The following GLIS3 variants were observed in gnomAD, a reference collection of about 807,000 sequenced individuals.
The protein encoded by GLIS3 is GLIS family zinc finger 3, also known as zinc finger protein GLIS3.
In GLIS3, 53 loss-of-function variants were observed where a neutral mutation model predicts 78.6. The ratio of observed to expected loss-of-function variants is 0.67; its 90% CI spans 0.54 to 0.85. GLIS3 has a LOEUF of 0.85. Ranked by LOEUF, GLIS3 falls within the 40% of genes least tolerant of loss-of-function variation. The pLI is 0.00. For missense variants in GLIS3, 1,703 were observed against 1,231.1 expected, an observed-to-expected ratio of 1.38 and a Z score of -5.74; for synonymous variants, 684 against 509.9, an observed-to-expected ratio of 1.34 and a Z score of -4.60.
chr9:3,930,108 T>C (rs888354833), intron 6 of GLIS3, among the ~76,000 whole-genome samples: 2 of 152,256 alleles, frequency 1.3e-5, no homozygotes, highest in African/African-American at 4.8e-5. Flanking sequence ...ACTTGCATCA[T>C]TTTAACTTCC....
intron 4 of GLIS3, among the ~76,000 whole-genome samples, chr9:4,028,181 G>A (rs1823507977): frequency 6.6e-6 from 1 of 152,144 alleles, no homozygotes; most frequent in African/African-American, 2.4e-5. Flanking sequence ...TGACTCCAAT[G>A]CACATATAGG....
intron 2 of GLIS3, among the ~76,000 whole-genome samples, chr9:4,278,444 C>A (rs1486729387): frequency 1.3e-5 from 2 of 152,104 alleles, no homozygotes; most frequent in African/African-American, 4.8e-5. Flanking sequence ...CATAAAGACA[C>A]AAGAATTGAC....
At chr9:3,925,422 G>C (rs1825150328) in intron 6 of GLIS3, among the ~76,000 whole-genome samples, 1 of 152,122 alleles carries the variant, frequency 6.6e-6, no homozygotes, top group Non-Finnish European at 1.5e-5. Context: ...GGAATAACGT[G>C]GTGTCTTTAT....
intron 2 of GLIS3, among the ~76,000 whole-genome samples, chr9:4,128,821 C>G (rs1446420966): frequency 6.6e-6 from 1 of 152,196 alleles, no homozygotes; most frequent in African/African-American, 2.4e-5. Flanking sequence ...TGCTAATTAT[C>G]TCCCTAGTAT....
At chr9:4,413,373 T>A in the GLIS3 span, among the ~76,000 whole-genome samples, 1 of 152,226 alleles carries the variant, frequency 6.6e-6, no homozygotes, top group African/African-American at 2.4e-5. Context: ...ATTCTTGGTC[T>A]CTTCCAATCT....
intron 2 of GLIS3, among the ~76,000 whole-genome samples, chr9:4,312,149 TTTTG>T (rs1402293316): frequency 2.0e-5 from 3 of 150,200 alleles, no homozygotes; most frequent in African/African-American, 5.1e-5. Flanking sequence ...AAGTTTTTGT[TTTTG>T]TTTTTGTTTT....
intron 4 of GLIS3, among the ~76,000 whole-genome samples, chr9:3,986,651 A>G (rs1236915087): frequency 6.6e-6 from 1 of 152,232 alleles, no homozygotes; most frequent in African/African-American, 2.4e-5. Context: ...TCCTCCACTG[A>G]AAGTCATCTG....
rs1231688395 is a variant in GLIS3, at chr9:4,287,608, T to C, written c.-98-1085A>G. 2.6e-5 allele frequency among the ~76,000 whole-genome samples: 4 copies of C among 152,102 alleles called. 1 individual carries two copies. The highest frequency in any genetic ancestry group is 9.7e-5 in the African/African-American group (4 of 41,406). ...GCCAAAGTTCAACAAACACAGGAAA[T>C]AAGGACTGAGTACAAAGCAGGAGTG... On this transcript the variant is annotated intron_variant, in intron 1 of 10. Transcript: ENST00000381971.
intron 2 of GLIS3, among the ~76,000 whole-genome samples, chr9:4,258,628 C>G (rs985960787): frequency 6.6e-6 from 1 of 152,132 alleles, no homozygotes; most frequent in Non-Finnish European, 1.5e-5. Context: ...ACATCATCAC[C>G]AAGGGGAACC....
At chr9:4,263,487 A>T (rs1378860651) in intron 2 of GLIS3, among the ~76,000 whole-genome samples, 1 of 143,494 alleles carries the variant, frequency 7.0e-6, no homozygotes, top group Non-Finnish European at 1.5e-5. Flanking sequence ...AATAAAGTCT[A>T]AGACAAGCAA....
At chr9:3,843,252 A>C (rs182481069) in intron 9 of GLIS3, among the ~76,000 whole-genome samples, 1 of 152,302 alleles carries the variant, frequency 6.6e-6, no homozygotes, top group African/African-American at 2.4e-5. Context: ...ACAAATTTCC[A>C]GCACTCTAAT....
chr9:3,886,091 A>C (rs1295292871), intron 7 of GLIS3, among the ~76,000 whole-genome samples: 2 of 152,218 alleles, frequency 1.3e-5, no homozygotes, highest in Non-Finnish European at 2.9e-5. Flanking sequence ...TATTGTAATT[A>C]TTACCATTAT....
chr9:4,462,628 C>G, the GLIS3 span, among the ~76,000 whole-genome samples: 11 of 144,804 alleles, frequency 7.6e-5, no homozygotes, highest in African/African-American at 2.7e-4. Context: ...CACACACACA[C>G]ACACAGACAC....
chr9:4,186,777 T>C (rs949337687), intron 2 of GLIS3, among the ~76,000 whole-genome samples: 1 of 152,188 alleles, frequency 6.6e-6, no homozygotes, highest in Non-Finnish European at 1.5e-5. Flanking sequence ...TCATGTGTCT[T>C]TTGGCTGCAT....
chr9:3,912,429 AC>A (rs571745330), intron 6 of GLIS3, among the ~76,000 whole-genome samples: 220 of 152,280 alleles, frequency 1.4e-3, no homozygotes, highest in Non-Finnish European at 1.9e-3. Flanking sequence ...ACCAGAACCC[AC>A]AACAAAACTT....
intron 2 of GLIS3, among the ~76,000 whole-genome samples, chr9:4,210,089 C>A (rs1435862853): frequency 2.6e-5 from 4 of 152,132 alleles, no homozygotes; most frequent in East Asian, 3.8e-4. Context: ...ATAGTGGGCA[C>A]CCCATTGAGT....
intron 4 of GLIS3, among the ~76,000 whole-genome samples, chr9:4,015,705 A>G (rs530275602): frequency 7.2e-5 from 11 of 152,064 alleles, no homozygotes; most frequent in African/African-American, 2.4e-4. Flanking sequence ...CTGGCCAACA[A>G]GGTGAAACCC....
At chr9:4,379,878 A>G in the GLIS3 span, among the ~76,000 whole-genome samples, 6 of 152,302 alleles carry the variant, frequency 3.9e-5, no homozygotes, top group South Asian at 2.1e-4. Context: ...ATAGGAGTGT[A>G]TGTGTGTGTA....
At chr9:4,330,969 C>A (rs971102432) in intron 2 of GLIS3, among the ~76,000 whole-genome samples, 15 of 152,182 alleles carry the variant, frequency 9.9e-5, no homozygotes, top group African/African-American at 2.9e-4. Flanking sequence ...GGTTAGGACC[C>A]TTTACTGGCA....
Sources: gnomAD v4.1 joint callset for allele counts (sites outside exome capture counted in the v4.1 genomes callset) on GRCh38, gnomAD v4.1.1 for gene constraint, MANE v1.5 for transcripts, NCBI Gene and HGNC (gene_info 2026-07-23, HGNC 2026-07-21) for gene names.